TNS3: variants seen among roughly 807,000 people sequenced by gnomAD.
TNS3 encodes tensin-3.
A neutral mutation model predicts 140.9 loss-of-function variants in TNS3; 45 were observed. That is an observed-to-expected ratio of 0.32 (90% CI 0.25 to 0.41). TNS3 has a LOEUF of 0.41. Among genes scored for constraint, TNS3 ranks in the 10% least tolerant of loss-of-function variants. The pLI, the probability that TNS3 is intolerant of heterozygous loss-of-function variation, is 1.00. For synonymous variants in TNS3, 815 were observed against 788.4 expected, an observed-to-expected ratio of 1.03 and a Z score of -0.56; for missense variants, 1,716 against 1,906.7, an observed-to-expected ratio of 0.90 and a Z score of 1.86.
At chr7:47,476,840 G>C (rs907607269) in intron 4 of TNS3, among the ~76,000 whole-genome samples, 1 of 152,162 alleles carries the variant, frequency 6.6e-6, no homozygotes, top group Admixed American at 6.5e-5. Context: ...ACAAAGGGAG[G>C]TTTGCCTCCC....
intron 20 of TNS3, among the ~76,000 whole-genome samples, chr7:47,337,496 A>G (rs1021366682): frequency 6.6e-6 from 1 of 152,230 alleles, no homozygotes; most frequent in African/African-American, 2.4e-5. Context: ...GACAAAAGCA[A>G]TACAATTAGA....
chr7:47,503,490 C>T (rs1001266406), intron 3 of TNS3, among the ~76,000 whole-genome samples: 2 of 152,102 alleles, frequency 1.3e-5, no homozygotes, highest in African/African-American at 2.4e-5. Context: ...GATGCCCACA[C>T]AGCTCATGTG....
chr7:47,533,136 T>A (rs1244513796), intron 1 of TNS3, among the ~76,000 whole-genome samples: 95 of 121,076 alleles, frequency 7.8e-4, no homozygotes, highest in African/African-American at 2.8e-3. Context: ...TTTTTTTTTT[T>A]TTTTTTTTTT....
At chr7:47,440,358 G>C (rs1472447887) in intron 5 of TNS3, among the ~76,000 whole-genome samples, 4 of 152,092 alleles carry the variant, frequency 2.6e-5, no homozygotes, top group African/African-American at 7.2e-5. Context: ...GAGCTCCATG[G>C]GGCCCCGCTG....
At position 47,492,850 on chromosome 7, in the gene TNS3, G is replaced by A. The variant is rs79704372; in HGVS notation, c.-114-11709C>T. ...CTCATGCTGAGAAAGGCGGGGTTCCGGACATGGAGCTCTGGAGCAGGAGGA... is the reference window on the plus strand; with the variant it reads ...CTCATGCTGAGAAAGGCGGGGTTCCAGACATGGAGCTCTGGAGCAGGAGGA... On this transcript the variant is annotated intron_variant, in intron 3 of 30. Coordinates refer to ENST00000311160, the MANE Select transcript of TNS3 (RefSeq NM_022748.12). Among the ~76,000 whole-genome samples the A allele has an allele frequency of 7.4e-3, 1,122 of 152,304 alleles. 19 individuals are homozygous for A. The highest frequency in any genetic ancestry group is 0.026 in the African/African-American group (1,068 of 41,562).
chr7:47,582,502 T>C, upstream of TNS3: 3 of 456,484 alleles, frequency 6.6e-6, no homozygotes, highest in South Asian at 4.6e-5. Context: ...ATTAAGGTGC[T>C]CTCCGGGAGC....
intron 2 of TNS3, among the ~76,000 whole-genome samples, chr7:47,508,346 T>C (rs1287600570): frequency 3.3e-5 from 5 of 152,196 alleles, no homozygotes; most frequent in Non-Finnish European, 5.9e-5. Flanking sequence ...CAAAGACATG[T>C]ATTTATCCTA....
In TNS3 at chr7:47,346,266, GAGA is replaced by G; in HGVS notation, c.2369_2371del (p.Phe790del). Reference sequence around the variant, plus strand: ...ACCAGCCTTTCCCCATGCACATTTGGAGAAGGGCAGCTGCCCCCCAGCATCGTT... The same window carrying G: ...ACCAGCCTTTCCCCATGCACATTTGGAGGGCAGCTGCCCCCCAGCATCGTT... On this transcript the variant is annotated inframe_deletion, in exon 18 of 31. Coordinates refer to ENST00000311160, the MANE Select transcript of TNS3 (RefSeq NM_022748.12). The G allele has an allele frequency of 6.2e-7, 1 of 1,614,206 alleles. No homozygotes were observed. Among genetic ancestry groups the G allele is most frequent in the Non-Finnish European group, 8.5e-7 (1 of 1,180,036 alleles).
chr7:47,378,477 C>T (rs73326547), intron 16 of TNS3, among the ~76,000 whole-genome samples: 1 of 152,216 alleles, frequency 6.6e-6, no homozygotes, highest in African/African-American at 2.4e-5. Flanking sequence ...CCACCCAGTG[C>T]GACTTTATGG....
chr7:47,327,408 C>G (rs1788083909), intron 20 of TNS3, among the ~76,000 whole-genome samples: 1 of 152,224 alleles, frequency 6.6e-6, no homozygotes, highest in Non-Finnish European at 1.5e-5. Context: ...TTAGTAGAAA[C>G]AACTGTGCTG....
At chr7:47,326,911 G>C (rs1223698309) in intron 20 of TNS3, among the ~76,000 whole-genome samples, 1 of 152,192 alleles carries the variant, frequency 6.6e-6, no homozygotes, top group Admixed American at 6.5e-5. Context: ...GTCTCAGAGC[G>C]GCTGCAGTGC....
intron 4 of TNS3, among the ~76,000 whole-genome samples, chr7:47,466,009 T>A (rs1796696687): frequency 6.6e-6 from 1 of 152,080 alleles, no homozygotes; most frequent in South Asian, 2.1e-4. Flanking sequence ...ACTGCCAGAA[T>A]TGTGAAGAAT....
At chr7:47,345,355 A>C (rs1238130283) in intron 18 of TNS3, among the ~76,000 whole-genome samples, 3 of 152,248 alleles carry the variant, frequency 2.0e-5, no homozygotes, top group Admixed American at 1.3e-4. Flanking sequence ...GTATCTCAAT[A>C]TTAAGCGAAA....
chr7:47,387,320 A>T (rs1792132159), intron 16 of TNS3, among the ~76,000 whole-genome samples: 1 of 152,228 alleles, frequency 6.6e-6, no homozygotes, highest in Non-Finnish European at 1.5e-5. Context: ...ACCAACTTGG[A>T]ATCCTGGAGC....
At chr7:47,430,110 TC>T (rs566182870) in intron 8 of TNS3, among the ~76,000 whole-genome samples, 1,108 of 89,852 alleles carry the variant, frequency 0.012, 22 homozygotes, top group African/African-American at 0.035. Flanking sequence ...AGCAAGTATT[TC>T]TTTTCTTTTC....
chr7:47,477,837 C>A (rs1217704983), intron 4 of TNS3, among the ~76,000 whole-genome samples: 1 of 152,202 alleles, frequency 6.6e-6, no homozygotes, highest in East Asian at 1.9e-4. Flanking sequence ...CAGGCGGAAA[C>A]CCTCCTGCCC....
chr7:47,454,877 G>A (rs1461679670), intron 4 of TNS3, among the ~76,000 whole-genome samples: 1 of 152,168 alleles, frequency 6.6e-6, no homozygotes, highest in African/African-American at 2.4e-5. Context: ...CCGTGTTAAT[G>A]TCAGTCATCT....
chr7:47,369,489 GTGTGGTCAC>G lies in TNS3; in HGVS notation c.1148_1156del (p.Ser383_His385del), dbSNP rs1487532235. ...GCCGGAGTCACTGCTGACAGACAAGGTGTGGTCACTGTGGTCTGGGCTGTTGGTGGCCGG... is the reference window on the plus strand; with the variant it reads ...GCCGGAGTCACTGCTGACAGACAAGGTGTGGTCTGGGCTGTTGGTGGCCGG... On this transcript the variant is annotated inframe_deletion, in exon 17 of 31. Coordinates refer to ENST00000311160, the MANE Select transcript of TNS3 (RefSeq NM_022748.12). 6.2e-7 allele frequency: 1 copy of G among 1,614,188 alleles called. No homozygotes were observed. The highest frequency in any genetic ancestry group is 2.2e-5 in the East Asian group (1 of 44,886).
intron 4 of TNS3, among the ~76,000 whole-genome samples, chr7:47,472,858 G>A (rs1043061397): frequency 5.3e-5 from 8 of 152,206 alleles, no homozygotes; most frequent in African/African-American, 1.7e-4. Flanking sequence ...ACCCTGAGCC[G>A]TTGTTGTTCA....
Sources: gnomAD v4.1 joint callset for allele counts (sites outside exome capture counted in the v4.1 genomes callset) on GRCh38, gnomAD v4.1.1 for gene constraint, MANE v1.5 for transcripts, NCBI Gene and HGNC (gene_info 2026-07-23, HGNC 2026-07-21) for gene names.